The following TMEM117 variants were observed in gnomAD, a reference collection of about 807,000 sequenced individuals.
The protein encoded by TMEM117 is transmembrane protein 117.
TMEM117 carries 27 observed loss-of-function variants against 52.4 expected under a neutral mutation model. That is an observed-to-expected ratio of 0.51 (90% confidence interval 0.38 to 0.71). The LOEUF (loss-of-function observed/expected upper bound fraction) is 0.71, where lower values mean the gene tolerates loss of function less well. Ranked by LOEUF, TMEM117 falls within the 30% of genes least tolerant of loss-of-function variation. The pLI, the probability that TMEM117 is intolerant of heterozygous loss-of-function variation, is 0.00. For synonymous variants in TMEM117, 215 were observed against 206.3 expected (o/e 1.04, Z -0.36); for missense variants, 556 against 630.5 (o/e 0.88, Z 1.26).
chr12:44,141,396 C>T (rs1235039601), intron 3 of TMEM117, among the ~76,000 whole-genome samples: 1 of 152,024 alleles, frequency 6.6e-6, no homozygotes, highest in Non-Finnish European at 1.5e-5. Context: ...CACCCTTTTC[C>T]CTCTGAAAAG....
the TMEM117 span, among the ~76,000 whole-genome samples, chr12:43,830,777 G>T: frequency 2.0e-5 from 3 of 152,066 alleles, no homozygotes; most frequent in Admixed American, 6.5e-5. Flanking sequence ...GATAAAAAGA[G>T]CCAACATTTA....
At chr12:43,967,519 T>C (rs529052713) in intron 3 of TMEM117, among the ~76,000 whole-genome samples, 2 of 152,236 alleles carry the variant, frequency 1.3e-5, no homozygotes, top group African/African-American at 2.4e-5. Context: ...AGCTGCCACA[T>C]TGTCTGTATG....
intron 2 of TMEM117, among the ~76,000 whole-genome samples, chr12:43,917,050 A>G (rs1383965737): frequency 6.7e-6 from 1 of 150,160 alleles, no homozygotes; most frequent in East Asian, 2.0e-4. Flanking sequence ...TTTAGATGTG[A>G]TGAGTTACAT....
chr12:43,838,470 A>G (rs1027207685), intron 1 of TMEM117, among the ~76,000 whole-genome samples: 1 of 142,330 alleles, frequency 7.0e-6, no homozygotes, highest in Non-Finnish European at 1.5e-5. Context: ...CCTTTCTTCC[A>G]TTTATCCTTT....
At chr12:44,201,823 A>G (rs527299970) in intron 4 of TMEM117, among the ~76,000 whole-genome samples, 10 of 152,304 alleles carry the variant, frequency 6.6e-5, no homozygotes, top group Admixed American at 1.3e-4. Context: ...AAAGAAATAC[A>G]TAACACCCAA....
chr12:43,946,021 G>A (rs1945126318), intron 3 of TMEM117, among the ~76,000 whole-genome samples: 1 of 152,188 alleles, frequency 6.6e-6, no homozygotes, highest in Non-Finnish European at 1.5e-5. Flanking sequence ...ATTCACGAAT[G>A]TGATTTTAGA....
At chr12:44,080,118 T>C (rs1054782043) in intron 3 of TMEM117, among the ~76,000 whole-genome samples, 1 of 151,538 alleles carries the variant, frequency 6.6e-6, no homozygotes, top group Non-Finnish European at 1.5e-5. Flanking sequence ...TTTAAAACCA[T>C]ATGAGAAACA....
At chr12:43,822,952 T>G in the TMEM117 span, among the ~76,000 whole-genome samples, 19 of 152,214 alleles carry the variant, frequency 1.2e-4, no homozygotes, top group East Asian at 3.3e-3. Flanking sequence ...TTTTTCTCTC[T>G]TTAATAGAGA....
intron 2 of TMEM117, among the ~76,000 whole-genome samples, chr12:43,913,474 A>G (rs942456245): frequency 1.3e-5 from 2 of 152,156 alleles, no homozygotes; most frequent in African/African-American, 4.8e-5. Context: ...GATCCCATTT[A>G]CCTGAAGGAA....
Position 44,232,649 on chromosome 12 carries a change from G to C in TMEM117, c.608+21262G>C, listed in dbSNP as rs80233866. Among the ~76,000 whole-genome samples the C allele has an allele frequency of 6.2e-3, 936 of 151,112 alleles. 12 individuals are homozygous for C. Among genetic ancestry groups the C allele is most frequent in the Non-Finnish European group, 6.0e-3 (402 of 67,358 alleles). On this transcript the variant is annotated intron_variant, in intron 5 of 7. Coordinates refer to ENST00000266534, the MANE Select transcript of TMEM117 (RefSeq NM_032256.3). ...ATTTCCACAATAAAATTGGAATTTC[G>C]ACTACAATTTTATTGAGACTATAGA...
In TMEM117 at chr12:44,067,799, C is replaced by T. The variant is rs527479368; in HGVS notation, c.411-75726C>T. 2.9e-3 allele frequency among the ~76,000 whole-genome samples: 449 copies of T among 152,286 alleles called. 3 individuals carry two copies. Among genetic ancestry groups the T allele is most frequent in the African/African-American group, 0.01 (435 of 41,558 alleles). ...GTTTCAACCCAAAGTCACCAACTAC[C>T]TTAGCCCCTAACAAGAGAGTCAACC... On this transcript the variant is annotated intron_variant, in intron 3 of 7. Coordinates refer to ENST00000266534, the MANE Select transcript of TMEM117 (RefSeq NM_032256.3).
chr12:43,991,570 A>G (rs746065855), intron 3 of TMEM117, among the ~76,000 whole-genome samples: 30 of 152,176 alleles, frequency 2.0e-4, no homozygotes, highest in Non-Finnish European at 3.4e-4. Context: ...CTTGATTTCA[A>G]TCTGTTTCCT....
intron 2 of TMEM117, among the ~76,000 whole-genome samples, chr12:43,895,903 T>C (rs1464335594): frequency 6.6e-6 from 1 of 151,212 alleles, no homozygotes; most frequent in African/African-American, 2.4e-5. Context: ...AACATTCTCA[T>C]AATTTTGCTG....
At chr12:43,845,024 G>A in intron 2 of TMEM117, 96 bp downstream of exon 2, 1 of 1,441,728 alleles carries the variant, frequency 6.9e-7, no homozygotes, top group South Asian at 1.4e-5. Context: ...AATGTAGGAG[G>A]CATTTTAGTT....
chr12:44,395,668 C>T, the TMEM117 span, among the ~76,000 whole-genome samples: 1 of 152,166 alleles, frequency 6.6e-6, no homozygotes, highest in African/African-American at 2.4e-5. Context: ...CTCAGGGACT[C>T]AGACATGTTT....
At chr12:43,877,488 A>G (rs1368985873) in intron 2 of TMEM117, among the ~76,000 whole-genome samples, 1 of 152,010 alleles carries the variant, frequency 6.6e-6, no homozygotes. Flanking sequence ...ACAAAAAATT[A>G]GCTGGACATA....
chr12:44,046,621 A>G (rs910959907), intron 3 of TMEM117, among the ~76,000 whole-genome samples: 1 of 152,180 alleles, frequency 6.6e-6, no homozygotes, highest in African/African-American at 2.4e-5. Flanking sequence ...GGAATACAGA[A>G]TGGGTAGTAG....
intron 3 of TMEM117, among the ~76,000 whole-genome samples, chr12:44,005,123 C>G (rs1946173764): frequency 6.6e-6 from 1 of 151,952 alleles, no homozygotes; most frequent in Non-Finnish European, 1.5e-5. Flanking sequence ...TCACAGTAGC[C>G]CTAGGAGGTA....
chr12:44,005,638 A>G (rs1035263498), intron 3 of TMEM117, among the ~76,000 whole-genome samples: 21 of 152,172 alleles, frequency 1.4e-4, no homozygotes, highest in African/African-American at 5.1e-4. Flanking sequence ...GTTTTGCAAA[A>G]TCTCCAGGCC....
Sources: gnomAD v4.1 joint callset for allele counts (sites outside exome capture counted in the v4.1 genomes callset) on GRCh38, gnomAD v4.1.1 for gene constraint, MANE v1.5 for transcripts, NCBI Gene and HGNC (gene_info 2026-07-23, HGNC 2026-07-21) for gene names.